Variants in OCRL observed in about 807,000 individuals in gnomAD.
OCRL encodes the protein inositol polyphosphate 5-phosphatase OCRL.
In OCRL, 8 loss-of-function variants were observed where a neutral mutation model predicts 78.9. The observed-to-expected ratio is 0.10, with a 90% confidence interval of 0.06 to 0.18. The LOEUF (loss-of-function observed/expected upper bound fraction) is 0.18. OCRL is among the 10% of genes least tolerant of loss of function. The pLI is 1.00. For synonymous variants in OCRL, 240 were observed against 235.4 expected (o/e 1.02, Z -0.18); for missense variants, 454 against 696.7 (o/e 0.65, Z 3.92).
intron 18 of OCRL, among the ~76,000 whole-genome samples, chrX:129,577,785 A>C (rs779084022): frequency 1.8e-5 from 2 of 112,350 alleles, no homozygotes; most frequent in Non-Finnish European, 3.8e-5. Context: ...CATTTTCTTC[A>C]GAAATTCATA....
intron 21 of OCRL, among the ~76,000 whole-genome samples, chrX:129,588,678 C>G (rs1281298413): frequency 8.9e-6 from 1 of 112,050 alleles, no homozygotes; most frequent in Non-Finnish European, 1.9e-5. Flanking sequence ...TGAAGCTGGG[C>G]CAAAGCTGCC....
chrX:129,543,158 T>C (rs1935833881), intron 2 of OCRL, among the ~76,000 whole-genome samples: 1 of 112,308 alleles, frequency 8.9e-6, no homozygotes, highest in Admixed American at 9.4e-5. Context: ...ATTGTTTTGC[T>C]GTATACCAAT....
At chrX:129,551,559 C>T (rs978920271) in intron 4 of OCRL, among the ~76,000 whole-genome samples, 1 of 111,394 alleles carries the variant, frequency 9.0e-6, no homozygotes, top group African/African-American at 3.3e-5. Flanking sequence ...CTCAGCCTCC[C>T]GAGTAGCTGG....
chrX:129,589,988 G>T (rs748798672), intron 23 of OCRL, 32 bp downstream of exon 23: 22 of 1,145,136 alleles, frequency 1.9e-5, no homozygotes, highest in Non-Finnish European at 2.6e-5. Flanking sequence ...CGGGGCGTTT[G>T]TTGAGAATAC....
At position 129,540,737 on chromosome X, in the gene OCRL, C is replaced by A. The variant is rs1262290031; in HGVS notation, c.40-7C>A. ...TTCCGAAGGAGACCCTTGACTAGCG[C>A]CCGCATACTGTCGAGGGTATGGAGA... On this transcript the variant is annotated splice_polypyrimidine_tract_variant and splice_region_variant and intron_variant, in intron 1 of 23. Coordinates refer to ENST00000371113, the MANE Select transcript of OCRL (RefSeq NM_000276.4). 1.7e-6 allele frequency: 2 copies of A among 1,206,595 alleles called. No homozygotes were observed. Among genetic ancestry groups the A allele is most frequent in the Non-Finnish European group, 2.2e-6 (2 of 891,067 alleles).
intron 4 of OCRL, among the ~76,000 whole-genome samples, chrX:129,552,722 G>A (rs939828426): frequency 8.9e-6 from 1 of 112,457 alleles, no homozygotes; most frequent in Non-Finnish European, 1.9e-5. Flanking sequence ...CACCTCACCC[G>A]GCTGAGATTT....
chrX:129,564,433 G>A (rs1182375452), intron 12 of OCRL, among the ~76,000 whole-genome samples: 4 of 110,795 alleles, frequency 3.6e-5, no homozygotes, highest in Admixed American at 9.6e-5. Flanking sequence ...TATGTTTATC[G>A]CGGCACTATT....
intron 21 of OCRL, among the ~76,000 whole-genome samples, chrX:129,588,600 A>G (rs892746732): frequency 3.6e-5 from 4 of 111,845 alleles, no homozygotes; most frequent in Non-Finnish European, 7.5e-5. Flanking sequence ...GATGGGAAAC[A>G]TGGGCACCTG....
Position 129,558,435 on chromosome X carries a change from T to C in OCRL, c.440-198T>C, listed in dbSNP as rs758126161. ...TGTTCCAAGTTCTTATAAACTTCTA[T>C]TGTTCTAGTTAGTATATCAGTGCTT... On this transcript the variant is annotated intron_variant, in intron 6 of 23. Coordinates refer to ENST00000371113, the MANE Select transcript of OCRL (RefSeq NM_000276.4). Among the ~76,000 whole-genome samples, 35 of 112,455 alleles carry C rather than the reference T, an allele frequency of 3.1e-4. 1 individual carries two copies. Among genetic ancestry groups the C allele is most frequent in the African/African-American group, 1.0e-3 (32 of 30,983 alleles).
chrX:129,548,432 T>TA lies in OCRL; in HGVS notation c.200-124dup, dbSNP rs757998310. On this transcript the variant is annotated intron_variant, in intron 3 of 23. Transcript: ENST00000371113. The stretch of plus-strand genomic sequence containing the variant: ...AAAAAATATTAAACGAAAAGGGATT[T>TA]AAAAAAATATGTTCTAAGACCTAGG... 5.7e-5 allele frequency: 31 copies of TA among 540,491 alleles called. No individual in the cohort carries two copies. In the East Asian group the frequency reaches 8.1e-4, roughly 14 times the overall value. 44.5% of individuals were successfully genotyped at this position (540,491 alleles called of 1,213,427 possible). A position where few individuals can be genotyped will look rare whatever the true frequency, so the allele number is the denominator to read the frequency against.
At chrX:129,554,663 A>C (rs1777330933) in intron 4 of OCRL, among the ~76,000 whole-genome samples, 2 of 112,132 alleles carry the variant, frequency 1.8e-5, no homozygotes, top group South Asian at 7.3e-4. Context: ...GACTCCATTA[A>C]GAGGGTTAGG....
At chrX:129,552,249 C>T (rs781311088) in intron 4 of OCRL, among the ~76,000 whole-genome samples, 1 of 110,831 alleles carries the variant, frequency 9.0e-6, no homozygotes, top group African/African-American at 3.3e-5. Context: ...AGGTAAAATC[C>T]ATAGGAATTG....
At chrX:129,584,525 G>A (rs1026150974) in intron 19 of OCRL, among the ~76,000 whole-genome samples, 158 bp downstream of exon 19, 1 of 111,802 alleles carries the variant, frequency 8.9e-6, no homozygotes, top group African/African-American at 3.3e-5. Context: ...TGTGTTTGAA[G>A]TACAGGAAAG....
intron 15 of OCRL, among the ~76,000 whole-genome samples, chrX:129,572,912 G>A (rs867825505): frequency 1.8e-4 from 20 of 112,227 alleles, no homozygotes; most frequent in African/African-American, 6.1e-4. Flanking sequence ...GTAGCAGTGA[G>A]CAAGTTTGTT....
intron 4 of OCRL, among the ~76,000 whole-genome samples, chrX:129,548,853 G>A (rs913017661): frequency 1.8e-5 from 2 of 112,033 alleles, no homozygotes; most frequent in Non-Finnish European, 3.8e-5. Context: ...GAACTTCCGT[G>A]AGCTACCAGT....
intron 3 of OCRL, among the ~76,000 whole-genome samples, chrX:129,545,899 T>A (rs5977105): frequency 0.14 from 15,521 of 110,566 alleles, 2,136 homozygotes; most frequent in East Asian, 0.45. Context: ...ATTTTTGTAG[T>A]GACGGGGTTT....
intron 19 of OCRL, 144 bp from the exon 20 acceptor site, chrX:129,586,858 G>A: frequency 1.8e-6 from 1 of 565,188 alleles, no homozygotes; most frequent in Non-Finnish European, 3.2e-6. Flanking sequence ...CTGACCAGGA[G>A]TGTCCCCAGT....
At chrX:129,585,523 G>A (rs929582595) in intron 19 of OCRL, among the ~76,000 whole-genome samples, 3 of 112,265 alleles carry the variant, frequency 2.7e-5, no homozygotes, top group Non-Finnish European at 5.6e-5. Flanking sequence ...GGTCCAGAGA[G>A]TTAGCAGAGT....
chrX:129,568,612 G>A (rs1402311372), intron 14 of OCRL, among the ~76,000 whole-genome samples: 1 of 112,536 alleles, frequency 8.9e-6, no homozygotes, highest in Non-Finnish European at 1.9e-5. Flanking sequence ...GGTACAAGGT[G>A]TTGCTTCTTT....
Sources: allele counts gnomAD v4.1 joint callset (sites outside exome capture counted in the v4.1 genomes callset), GRCh38; gene constraint gnomAD v4.1.1; transcripts MANE v1.5; gene names NCBI Gene and HGNC (gene_info 2026-07-23, HGNC 2026-07-21).